HCRTR2: variants seen among roughly 807,000 people sequenced by gnomAD.
HCRTR2 encodes the protein orexin receptor type 2.
A neutral mutation model predicts 49.0 loss-of-function variants in HCRTR2; 22 were observed. The ratio of observed to expected loss-of-function variants is 0.45; its 90% CI spans 0.32 to 0.64. The LOEUF (loss-of-function observed/expected upper bound fraction) is 0.64. Among genes scored for constraint, HCRTR2 ranks in the 30% least tolerant of loss-of-function variants. HCRTR2 has a pLI of 0.04. For missense variants in HCRTR2, 491 were observed against 559.4 expected (o/e 0.88, Z 1.23); for synonymous variants, 236 against 205.3 (o/e 1.15, Z -1.28).
intron 1 of HCRTR2, among the ~76,000 whole-genome samples, chr6:55,232,409 T>C (rs1766132927): frequency 6.6e-6 from 1 of 152,200 alleles, no homozygotes; most frequent in African/African-American, 2.4e-5. Flanking sequence ...GTGGACATTC[T>C]TTTTTGTTGT....
chr6:55,194,752 T>C (rs2127280390), intron 1 of HCRTR2, among the ~76,000 whole-genome samples: 1 of 152,218 alleles, frequency 6.6e-6, no homozygotes, highest in South Asian at 2.1e-4. Context: ...ATTATGTGTG[T>C]TTGTCATTCA....
intron 3 of HCRTR2, among the ~76,000 whole-genome samples, chr6:55,260,150 A>T (rs1021634534): frequency 3.3e-5 from 5 of 152,206 alleles, no homozygotes; most frequent in African/African-American, 1.2e-4. Flanking sequence ...TATCACAGTG[A>T]TGCTATCCAT....
intron 1 of HCRTR2, among the ~76,000 whole-genome samples, chr6:55,176,064 T>G (rs1334583397): frequency 1.3e-5 from 2 of 152,122 alleles, no homozygotes; most frequent in East Asian, 3.9e-4. Context: ...GACAAGGAAA[T>G]TATCAGGCTT....
intron 1 of HCRTR2, among the ~76,000 whole-genome samples, chr6:55,186,592 T>C (rs1765220119): frequency 6.6e-6 from 1 of 152,250 alleles, no homozygotes; most frequent in African/African-American, 2.4e-5. Context: ...CCAAGATTTC[T>C]TTAAATGATA....
chr6:55,280,344 T>C lies in HCRTR2; in HGVS notation c.1005T>C (p.His335=). 1.2e-6 allele frequency: 2 copies of C among 1,609,470 alleles called. No individual in the cohort carries two copies. Among genetic ancestry groups the C allele is most frequent in the South Asian group, 1.1e-5 (1 of 90,978 alleles). Reference sequence around the variant, plus strand: ...GCAGAGTATTTGGGATGTTTGCCCATACTGAAGACAGAGAGACTGTGTATG... The same window carrying C: ...GCAGAGTATTTGGGATGTTTGCCCACACTGAAGACAGAGAGACTGTGTATG... ...VLKRVFGMFA[H]TEDRETVYAW... Residue 335 remains histidine, a synonymous_variant, in exon 6 of 7, where the codon CAT becomes CAC. Transcript: ENST00000370862.
At chr6:55,279,860 T>C (rs1450369421) in intron 5 of HCRTR2, among the ~76,000 whole-genome samples, 1 of 152,036 alleles carries the variant, frequency 6.6e-6, no homozygotes, top group Non-Finnish European at 1.5e-5. Context: ...AAGTTTCAGA[T>C]AGTCCAGGAA....
rs201301558 is a variant in HCRTR2 at position 55,282,296 on chromosome 6, C to G, written c.1177C>G (p.Arg393Gly). 4 of 1,613,844 alleles carry G rather than the reference C, an allele frequency of 2.5e-6. No individual in the cohort carries two copies. The South Asian group carries it at 4.4e-5, about 18-fold the overall frequency. Reference protein sequence around the residue: ...CLGVHHRQEDRLTRGRTSTES... With the variant: ...CLGVHHRQEDGLTRGRTSTES... ...TGGAGTTCACCATCGCCAGGAGGAT[C>G]GGCTCACCAGGGGACGAACTAGCAC... is the stretch of plus-strand genomic sequence containing the variant. The change falls in exon 7 of 7, where the codon CGG (arginine) becomes GGG (glycine). Residue 393 changes from arginine to glycine, a missense_variant. Coordinates refer to ENST00000370862, the MANE Select transcript of HCRTR2 (RefSeq NM_001384272.1).
chr6:55,123,407 T>G lies in HCRTR2; in HGVS notation c.-378+16862T>G, dbSNP rs149279081. Among the ~76,000 whole-genome samples, 556 of 152,280 alleles carry G rather than the reference T, an allele frequency of 3.7e-3. 3 individuals are homozygous for G. Among genetic ancestry groups the G allele is most frequent in the African/African-American group, 0.012 (519 of 41,560 alleles). ...ATCATGTGGTTTTTGTCATTGATTC[T>G]GTTTATGTGATGGTTTGCATTTACT... On this transcript the variant is annotated intron_variant, in intron 1 of 7. Coordinates refer to the HCRTR2 transcript ENST00000615358.
At chr6:55,157,981 T>A (rs1170257750) in intron 1 of HCRTR2, among the ~76,000 whole-genome samples, 1 of 152,134 alleles carries the variant, frequency 6.6e-6, no homozygotes, top group East Asian at 1.9e-4. Flanking sequence ...CTGATGAACA[T>A]CCACAAGCTT....
intron 1 of HCRTR2, among the ~76,000 whole-genome samples, chr6:55,199,990 G>T (rs1221041637): frequency 1.3e-5 from 2 of 152,170 alleles, no homozygotes; most frequent in African/African-American, 4.8e-5. Flanking sequence ...GGTGATTAAA[G>T]GTTGGTATTT....
intron 1 of HCRTR2, among the ~76,000 whole-genome samples, chr6:55,221,370 G>A (rs1581838221): frequency 1.3e-5 from 2 of 152,090 alleles, no homozygotes; most frequent in South Asian, 4.1e-4. Context: ...CCAGAAATAA[G>A]CCCACACATA....
chr6:55,280,128 A>G (rs895361880), intron 5 of HCRTR2, among the ~76,000 whole-genome samples, 195 bp from the exon 6 acceptor site: 1 of 151,986 alleles, frequency 6.6e-6, no homozygotes, highest in African/African-American at 2.4e-5. Flanking sequence ...TTGGCTTTTG[A>G]TTTATTGATT....
intron 1 of HCRTR2, chr6:55,240,899 G>T (rs1463082680): frequency 4.6e-6 from 1 of 219,296 alleles, no homozygotes; most frequent in Admixed American, 5.4e-5. Flanking sequence ...TTTATTTCAC[G>T]TTCTCTTATT....
chr6:55,191,866 CAT>C lies in HCRTR2; in HGVS notation c.223+17059_223+17060del, dbSNP rs1765321697. On this transcript the variant is annotated intron_variant, in intron 1 of 6. Coordinates refer to ENST00000370862, the MANE Select transcript of HCRTR2 (RefSeq NM_001384272.1). The stretch of plus-strand genomic sequence containing the variant: ...AAGCTCCATCTAATCCATTTGCAGA[CAT>C]ATGGTTACCTATCTTTTCTTCAATA... Among the ~76,000 whole-genome samples, 6 of 152,120 alleles carry C rather than the reference CAT, an allele frequency of 3.9e-5. 1 individual carries two copies. The South Asian group carries it at 1.2e-3, about 32-fold the overall frequency.
At chr6:55,126,424 A>T (rs1382892953) in intron 1 of HCRTR2, among the ~76,000 whole-genome samples, 1 of 152,178 alleles carries the variant, frequency 6.6e-6, no homozygotes, top group Non-Finnish European at 1.5e-5. Context: ...GAGTATCACC[A>T]GAGGAGGCTG....
intron 1 of HCRTR2, among the ~76,000 whole-genome samples, chr6:55,138,079 C>A (rs1181090119): frequency 6.6e-6 from 1 of 151,982 alleles, no homozygotes; most frequent in African/African-American, 2.4e-5. Flanking sequence ...TGATTAGGAG[C>A]AATGATCACT....
Position 55,282,074 on chromosome 6 carries a change from T to G in HCRTR2, c.1106-151T>G, listed in dbSNP as rs953151660. The G allele has an allele frequency of 5.0e-5, 32 of 640,546 alleles. No homozygotes were observed. The South Asian group carries it at 5.5e-4, about 11-fold the overall frequency. 39.7% of individuals were successfully genotyped at this position (640,546 alleles called of 1,614,324 possible). On this transcript the variant is annotated intron_variant, in intron 6 of 6. Transcript: ENST00000370862. ...AGAGTCTACCAAGCTTCCAATAAACTCAATTTCCTTATTCTATTTTACCCA... is the reference window on the plus strand; with the variant it reads ...AGAGTCTACCAAGCTTCCAATAAACGCAATTTCCTTATTCTATTTTACCCA...
In HCRTR2 at chr6:55,181,305, T is replaced by G. The variant is rs558477392; in HGVS notation, c.223+6495T>G. Among the ~76,000 whole-genome samples, 8 of 152,300 alleles carry G rather than the reference T, an allele frequency of 5.3e-5. No individual in the cohort carries two copies. The South Asian group carries it at 1.7e-3, about 32-fold the overall frequency. On this transcript the variant is annotated intron_variant, in intron 1 of 6. Coordinates refer to ENST00000370862, the MANE Select transcript of HCRTR2 (RefSeq NM_001384272.1). ...AATTGCTGACTCTGAGTATAAAATGTTTTCATTTCACCTTTGTTCACAATG... is the reference window on the plus strand; with the variant it reads ...AATTGCTGACTCTGAGTATAAAATGGTTTCATTTCACCTTTGTTCACAATG...
intron 1 of HCRTR2, among the ~76,000 whole-genome samples, chr6:55,115,369 A>G (rs920356585): frequency 1.3e-5 from 2 of 151,720 alleles, no homozygotes; most frequent in Admixed American, 1.3e-4. Flanking sequence ...CAAGTCCTTC[A>G]ACTGCTAAAG....
Sources: allele counts gnomAD v4.1 joint callset (sites outside exome capture counted in the v4.1 genomes callset), GRCh38; gene constraint gnomAD v4.1.1; transcripts MANE v1.5; gene names NCBI Gene and HGNC (gene_info 2026-07-23, HGNC 2026-07-21).